SWAP70: variants seen among roughly 807,000 people sequenced by gnomAD.
The protein encoded by SWAP70 is switch-associated protein 70.
Under a neutral mutation model 80.2 loss-of-function variants are expected in SWAP70, and 34 were observed. The observed-to-expected ratio is 0.42, with a 90% CI of 0.32 to 0.56. The LOEUF (loss-of-function observed/expected upper bound fraction) is 0.56, where lower values mean the gene tolerates loss of function less well. Ranked by LOEUF, SWAP70 falls within the 20% of genes least tolerant of loss-of-function variation. The pLI is 0.09. For missense variants in SWAP70, 578 were observed against 690.7 expected, an observed-to-expected ratio of 0.84 and a Z score of 1.83; for synonymous variants, 239 against 238.5, an observed-to-expected ratio of 1.00 and a Z score of -0.02.
chr11:9,671,375 AATAAAAATATATAAATATATATAAATAT>A (rs1850380484), intron 1 of SWAP70, among the ~76,000 whole-genome samples: 1 of 111,988 alleles, frequency 8.9e-6, no homozygotes, highest in African/African-American at 3.7e-5. Flanking sequence ...ATAAAATAAA[AATAAAAATATATAAATATATATAAATAT>A]ATAAAAATAT....
At chr11:9,746,358 A>G (rs1358812811) in intron 9 of SWAP70, among the ~76,000 whole-genome samples, 1 of 152,162 alleles carries the variant, frequency 6.6e-6, no homozygotes, top group African/African-American at 2.4e-5. Context: ...TTCCCCCTCC[A>G]TACTTTTACC....
intron 10 of SWAP70, among the ~76,000 whole-genome samples, chr11:9,748,631 G>A (rs554660442): frequency 6.6e-6 from 1 of 152,330 alleles, no homozygotes; most frequent in South Asian, 2.1e-4. Context: ...GTGGAACCTA[G>A]AAGAAAAGTC....
chr11:9,687,111 T>C (rs567545786), intron 1 of SWAP70, among the ~76,000 whole-genome samples: 36 of 152,356 alleles, frequency 2.4e-4, no homozygotes, highest in African/African-American at 8.4e-4. Flanking sequence ...TGAGGTTTAA[T>C]CTTTAGTTAC....
chr11:9,671,039 C>T (rs1408621890), intron 1 of SWAP70, among the ~76,000 whole-genome samples: 2 of 147,042 alleles, frequency 1.4e-5, no homozygotes, highest in African/African-American at 2.5e-5. Context: ...AGGCGTGAGC[C>T]ACCATGCCCG....
chr11:9,739,975 A>T (rs1035535400), intron 8 of SWAP70, among the ~76,000 whole-genome samples: 2 of 152,152 alleles, frequency 1.3e-5, no homozygotes, highest in African/African-American at 4.8e-5. Flanking sequence ...TTTGGGTTAT[A>T]ATTTGCTCTT....
At chr11:9,679,434 T>C (rs1850540455) in intron 1 of SWAP70, among the ~76,000 whole-genome samples, 1 of 152,216 alleles carries the variant, frequency 6.6e-6, no homozygotes, top group East Asian at 1.9e-4. Context: ...CCTAGGGTGA[T>C]GGATACTCAG....
intron 1 of SWAP70, among the ~76,000 whole-genome samples, chr11:9,670,669 A>C (rs1850364534): frequency 6.6e-6 from 1 of 152,138 alleles, no homozygotes; most frequent in African/African-American, 2.4e-5. Flanking sequence ...CCTTTGGGGC[A>C]ACGCTGGAGC....
At chr11:9,667,111 C>T (rs1485449188) in intron 1 of SWAP70, among the ~76,000 whole-genome samples, 5 of 151,886 alleles carry the variant, frequency 3.3e-5, no homozygotes, top group Admixed American at 6.6e-5. Context: ...GCAATTTAAC[C>T]AACTTGGCCT....
intron 2 of SWAP70, chr11:9,703,591 C>T (rs772874976): frequency 8.0e-5 from 34 of 422,432 alleles, no homozygotes; most frequent in Admixed American, 4.1e-4. Flanking sequence ...ATGTGTTTCC[C>T]GCAGCAGCCT....
intron 1 of SWAP70, among the ~76,000 whole-genome samples, chr11:9,686,771 A>G (rs1850638648): frequency 6.6e-6 from 1 of 152,172 alleles, no homozygotes; most frequent in African/African-American, 2.4e-5. Flanking sequence ...TGCTTTATTT[A>G]ACCATTTCCT....
chr11:9,747,985 G>A lies in SWAP70; in HGVS notation c.1483G>A (p.Ala495Thr), dbSNP rs760829863. The A allele has an allele frequency of 6.2e-7, 1 of 1,614,120 alleles. No individual in the cohort carries two copies. Among genetic ancestry groups the A allele is most frequent in the Non-Finnish European group, 8.5e-7 (1 of 1,179,966 alleles). Residue 495 changes from alanine to threonine, a missense_variant, in exon 10 of 12, where the codon GCC (alanine) becomes ACC (threonine). Ala to Thr is a moderately conservative substitution (Grantham distance 58, BLOSUM62 0). Coordinates refer to ENST00000318950, the MANE Select transcript of SWAP70 (RefSeq NM_015055.4). ...LENQRVLKEQ[A>T]LQEAMEQLEQ... is the part of the protein sequence containing the mutation. Reference sequence around the variant, plus strand: ...GAATCAGCGTGTCCTGAAGGAACAGGCCCTGCAGGAGGCCATGGAGCAGCT... The same window carrying A: ...GAATCAGCGTGTCCTGAAGGAACAGACCCTGCAGGAGGCCATGGAGCAGCT...
rs759442108 is a variant in SWAP70 at position 9,728,169 on chromosome 11, C to T, written c.759C>T (p.Asp253=). ...VSEDLKDKKG[D]ILLDENCCVE... ...AGGATCTGAAGGATAAGAAAGGAGA[C>T]ATTCTCTTGGATGAAAATTGCTGTG... Residue 253 remains aspartate, a synonymous_variant, in exon 5 of 12, where the codon GAC becomes GAT. Transcript: ENST00000318950. 1 of 1,611,844 alleles carries T rather than the reference C, an allele frequency of 6.2e-7. No homozygotes were observed. The highest frequency in any genetic ancestry group is 8.5e-7 in the Non-Finnish European group (1 of 1,179,264).
chr11:9,692,508 G>T lies in SWAP70; in HGVS notation c.100-1638G>T, dbSNP rs1009547329. On this transcript the variant is annotated intron_variant, in intron 1 of 11. Coordinates refer to ENST00000318950, the MANE Select transcript of SWAP70 (RefSeq NM_015055.4). Reference sequence around the variant, plus strand: ...GGAGATCTTTTCATATCCGTACATAGCAAGCTTTCTCATGGTTTTTATGTT... The same window carrying T: ...GGAGATCTTTTCATATCCGTACATATCAAGCTTTCTCATGGTTTTTATGTT... Among the ~76,000 whole-genome samples, 8 of 151,582 alleles carry T rather than the reference G, an allele frequency of 5.3e-5. No homozygotes were observed. In the South Asian group the frequency reaches 1.7e-3, roughly 31 times the overall value.
At chr11:9,729,499 A>G in intron 6 of SWAP70, 48 bp downstream of exon 6, 1 of 1,405,466 alleles carries the variant, frequency 7.1e-7, no homozygotes, top group Non-Finnish European at 9.9e-7. Context: ...GAAAGCTCTG[A>G]CTTTCTTTTT....
chr11:9,701,176 CTT>C (rs879529806), intron 2 of SWAP70, among the ~76,000 whole-genome samples: 3 of 144,370 alleles, frequency 2.1e-5, no homozygotes, highest in Non-Finnish European at 1.5e-5. Flanking sequence ...CAAATGTTAA[CTT>C]TTTTTTTTTT....
At chr11:9,698,110 T>TTC in intron 2 of SWAP70, among the ~76,000 whole-genome samples, 1 of 148,214 alleles carries the variant, frequency 6.7e-6, no homozygotes, top group East Asian at 2.0e-4. Flanking sequence ...GTTTTTTTTT[T>TTC]TTTTTTTTGA....
intron 3 of SWAP70, among the ~76,000 whole-genome samples, chr11:9,714,955 T>A (rs2133797747): frequency 6.9e-6 from 1 of 145,502 alleles, no homozygotes; most frequent in Admixed American, 6.9e-5. Context: ...TACAGGTGCC[T>A]GCCACCACAC....
intron 1 of SWAP70, among the ~76,000 whole-genome samples, chr11:9,666,723 A>C (rs1352586831): frequency 9.5e-6 from 1 of 105,568 alleles, no homozygotes; most frequent in Non-Finnish European, 1.9e-5. Flanking sequence ...ATGACCTCTT[A>C]ATTTTTTTTT....
chr11:9,727,801 A>G (rs993539918), intron 4 of SWAP70, among the ~76,000 whole-genome samples: 1 of 152,132 alleles, frequency 6.6e-6, no homozygotes, highest in African/African-American at 2.4e-5. Context: ...AGGGGATTCT[A>G]TTGTCTGCAT....
Sources: allele counts gnomAD v4.1 joint callset (sites outside exome capture counted in the v4.1 genomes callset), GRCh38; gene constraint gnomAD v4.1.1; transcripts MANE v1.5; gene names NCBI Gene and HGNC (gene_info 2026-07-23, HGNC 2026-07-21).